PPP2R3A: variants seen among roughly 807,000 people sequenced by gnomAD.
PPP2R3A encodes serine/threonine-protein phosphatase 2A regulatory subunit B'' subunit alpha.
Under a neutral mutation model 106.9 loss-of-function variants are expected in PPP2R3A, and 80 were observed. The ratio of observed to expected loss-of-function variants is 0.75; its 90% confidence interval spans 0.62 to 0.90. PPP2R3A has a LOEUF of 0.90. Among genes scored for constraint, PPP2R3A ranks in the 40% least tolerant of loss-of-function variants. PPP2R3A has a pLI of 0.00. For synonymous variants in PPP2R3A, 483 were observed against 468.3 expected (o/e 1.03, Z -0.41); for missense variants, 1,386 against 1,350.4 (o/e 1.03, Z -0.41).
intron 2 of PPP2R3A, among the ~76,000 whole-genome samples, chr3:136,015,959 A>C (rs1196913444): frequency 6.6e-6 from 1 of 152,120 alleles, no homozygotes; most frequent in South Asian, 2.1e-4. Flanking sequence ...ATTTAATGCT[A>C]TGAACTTTAA....
chr3:136,064,392 A>G (rs1936190939), intron 5 of PPP2R3A, among the ~76,000 whole-genome samples: 1 of 152,016 alleles, frequency 6.6e-6, no homozygotes, highest in African/African-American at 2.4e-5. Flanking sequence ...CGTTGCGCAC[A>G]TGTACCCTAA....
At chr3:136,025,973 G>A (rs1934638890) in intron 2 of PPP2R3A, among the ~76,000 whole-genome samples, 1 of 152,062 alleles carries the variant, frequency 6.6e-6, no homozygotes, top group African/African-American at 2.4e-5. Context: ...GAATAATGGT[G>A]TACCTCCCCT....
Position 135,972,226 on chromosome 3 carries a change from A to G in PPP2R3A, c.-441+6377A>G, listed in dbSNP as rs1937269748. 2.0e-5 allele frequency among the ~76,000 whole-genome samples: 3 copies of G among 152,162 alleles called. No individual in the cohort carries two copies. In the South Asian group the frequency reaches 6.2e-4, roughly 31 times the overall value. On this transcript the variant is annotated intron_variant, in intron 1 of 13. Transcript: ENST00000264977. ...TTTCATATAAATGGAATCATACAAT[A>G]TGTAACCTTTTGTGCCTGGCTTCTT...
rs950815546 is a variant in PPP2R3A at position 136,145,676 on chromosome 3, A to T, written c.*510A>T. The T allele has an allele frequency of 2.0e-5, 3 of 152,702 alleles. No homozygotes were observed. The highest frequency in any genetic ancestry group is 7.2e-5 in the African/African-American group (3 of 41,462). 9.5% of individuals were successfully genotyped at this position (152,702 alleles called of 1,614,324 possible). On this transcript the variant is annotated 3_prime_UTR_variant, in exon 14 of 14. Coordinates refer to ENST00000264977, the MANE Select transcript of PPP2R3A (RefSeq NM_002718.5). ...AACATCTCAGAGACTTCTTTTATGT[A>T]TACTGGAGTTCAAAGATCTTTAACT...
chr3:136,132,629 T>C (rs1225690472), intron 13 of PPP2R3A, among the ~76,000 whole-genome samples: 1 of 151,762 alleles, frequency 6.6e-6, no homozygotes, highest in East Asian at 1.9e-4. Context: ...AAAGAAGACC[T>C]AAATAACTGG....
At chr3:135,966,418 A>G (rs1404984547) in intron 1 of PPP2R3A, among the ~76,000 whole-genome samples, 2 of 152,034 alleles carry the variant, frequency 1.3e-5, no homozygotes, top group Non-Finnish European at 2.9e-5. Context: ...TACCTGAAAC[A>G]AAGGTAAACG....
chr3:136,087,245 GTCTCTCTC>G (rs34566151), intron 8 of PPP2R3A, among the ~76,000 whole-genome samples: 3,256 of 75,064 alleles, frequency 0.043, 150 homozygotes, highest in African/African-American at 0.12. Flanking sequence ...CTCTAGTCGT[GTCTCTCTC>G]TCTCTCTCTC....
intron 3 of PPP2R3A, 35 bp downstream of exon 3, chr3:136,027,133 T>C (rs763251469): frequency 6.4e-7 from 1 of 1,564,344 alleles, no homozygotes; most frequent in East Asian, 2.3e-5. Context: ...CAATCTCCCC[T>C]TCTTTAGAAA....
chr3:136,088,186 A>G (rs909981500), intron 9 of PPP2R3A, among the ~76,000 whole-genome samples: 1 of 152,136 alleles, frequency 6.6e-6, no homozygotes, highest in Non-Finnish European at 1.5e-5. Context: ...TGTATGGAGG[A>G]TCCTGTCACA....
chr3:136,010,165 A>C (rs999524243), intron 2 of PPP2R3A, among the ~76,000 whole-genome samples: 1 of 151,834 alleles, frequency 6.6e-6, no homozygotes, highest in African/African-American at 2.4e-5. Context: ...TCTCCTACCC[A>C]TATCAGTACT....
chr3:136,043,672 G>C (rs1935373917), intron 4 of PPP2R3A, among the ~76,000 whole-genome samples: 1 of 152,206 alleles, frequency 6.6e-6, no homozygotes. Flanking sequence ...TGAGGTCCTA[G>C]AGTATCAGCT....
At chr3:136,137,114 T>G (rs1203658925) in intron 13 of PPP2R3A, among the ~76,000 whole-genome samples, 1 of 152,352 alleles carries the variant, frequency 6.6e-6, no homozygotes, top group East Asian at 1.9e-4. Context: ...TATTTATAAT[T>G]AACATTCTTA....
chr3:136,000,128 T>C (rs1241195527), intron 1 of PPP2R3A, among the ~76,000 whole-genome samples: 1 of 152,216 alleles, frequency 6.6e-6, no homozygotes, highest in Non-Finnish European at 1.5e-5. Context: ...AGGTCTTCTC[T>C]GACAACCCTT....
chr3:135,990,879 G>A (rs1005358883), intron 1 of PPP2R3A, among the ~76,000 whole-genome samples: 2 of 151,746 alleles, frequency 1.3e-5, no homozygotes, highest in Admixed American at 1.3e-4. Context: ...GTCTCCTCTC[G>A]CAGCCACAAT....
chr3:136,134,235 G>A (rs1016467047), intron 13 of PPP2R3A, among the ~76,000 whole-genome samples: 6 of 152,154 alleles, frequency 3.9e-5, no homozygotes, highest in Non-Finnish European at 7.4e-5. Flanking sequence ...AGGAAGACAC[G>A]CACTTTCAAA....
intron 1 of PPP2R3A, among the ~76,000 whole-genome samples, chr3:135,976,044 G>A (rs1033688904): frequency 6.6e-6 from 1 of 151,994 alleles, no homozygotes; most frequent in African/African-American, 2.4e-5. Flanking sequence ...TTGATTATTT[G>A]TATTTATTTT....
intron 2 of PPP2R3A, among the ~76,000 whole-genome samples, chr3:136,024,731 A>G (rs1195632406): frequency 1.3e-5 from 2 of 152,176 alleles, no homozygotes; most frequent in Admixed American, 6.6e-5. Context: ...GTGACACCAC[A>G]GAAAACATTG....
At position 136,028,214 on chromosome 3, in the gene PPP2R3A, A is replaced by G. The variant is rs184171489; in HGVS notation, c.2262+1116A>G. ...GAAGACCTAGCTTCCATTGTGTATT[A>G]TTGGAGAAGTCCCTGAACCCTCACT... is the stretch of plus-strand genomic sequence containing the variant. On this transcript the variant is annotated intron_variant, in intron 3 of 13. Transcript: ENST00000264977. Among the ~76,000 whole-genome samples the G allele has an allele frequency of 2.0e-4, 30 of 152,250 alleles. No homozygotes were observed. The East Asian group carries it at 5.4e-3, about 27-fold the overall frequency.
At chr3:136,085,294 A>C (rs1027361771) in intron 8 of PPP2R3A, among the ~76,000 whole-genome samples, 2 of 152,132 alleles carry the variant, frequency 1.3e-5, no homozygotes, top group South Asian at 4.1e-4. Context: ...GAGTTCCCCC[A>C]CACACACCCC....
Sources: allele counts gnomAD v4.1 joint callset (sites outside exome capture counted in the v4.1 genomes callset), GRCh38; gene constraint gnomAD v4.1.1; transcripts MANE v1.5; gene names NCBI Gene and HGNC (gene_info 2026-07-23, HGNC 2026-07-21).